Variants in GGCX observed in about 807,000 individuals in gnomAD.
GGCX encodes gamma-glutamyl carboxylase.
GGCX carries 63 observed loss-of-function variants against 88.5 expected under a neutral mutation model. The observed-to-expected ratio is 0.71, with a 90% CI of 0.58 to 0.88. The LOEUF (loss-of-function observed/expected upper bound fraction) is 0.88. GGCX is among the 40% of genes least tolerant of loss of function. The pLI, the probability that GGCX is intolerant of heterozygous loss-of-function variation, is 0.00. For missense variants in GGCX, 805 were observed against 932.9 expected, an observed-to-expected ratio of 0.86 and a Z score of 1.79; for synonymous variants, 368 against 365.8, an observed-to-expected ratio of 1.01 and a Z score of -0.07.
At chr2:85,550,519 A>G (rs374338744) in intron 14 of GGCX, 36 bp downstream of exon 14, 2 of 1,514,236 alleles carry the variant, frequency 1.3e-6, no homozygotes, top group African/African-American at 2.7e-5. Context: ...GCTTGCCAAC[A>G]TATGATGGCA....
In GGCX at chr2:85,545,568, G is replaced by A. The variant is rs550873302; in HGVS notation, c.*4366C>T. The A allele has an allele frequency of 6.6e-6, 1 of 152,278 alleles. No individual in the cohort carries two copies. The highest frequency in any genetic ancestry group is 1.5e-5 in the Non-Finnish European group (1 of 68,030). 9.4% of individuals were successfully genotyped at this position (152,278 alleles called of 1,614,324 possible). A position where few individuals can be genotyped will look rare whatever the true frequency, so the allele number is the denominator to read the frequency against. ...AATAACCTCAATCCCTAGACCCAGT[G>A]GGTGGGCATTTTTTAAAAGCCTAAG... On this transcript the variant is annotated 3_prime_UTR_variant, in exon 15 of 15. Coordinates refer to ENST00000233838, the MANE Select transcript of GGCX (RefSeq NM_000821.7).
chr2:85,554,578 G>A (rs1425126624), intron 6 of GGCX: 6 of 486,096 alleles, frequency 1.2e-5, no homozygotes, highest in Admixed American at 6.6e-5. Flanking sequence ...CAATCCTCCT[G>A]TCTCAGCCTC....
chr2:85,548,676 CA>C lies in GGCX; in HGVS notation c.*1257del, dbSNP rs1691785197. ...TCTCTGCTACAAGTCCATGAGCTCC[CA>C]AAGCAGGGATCCTTTTTCATAACCC... On this transcript the variant is annotated 3_prime_UTR_variant, in exon 15 of 15. Coordinates refer to ENST00000233838, the MANE Select transcript of GGCX (RefSeq NM_000821.7). The C allele has an allele frequency of 6.6e-6, 1 of 152,166 alleles. No homozygotes were observed. The highest frequency in any genetic ancestry group is 2.4e-5 in the African/African-American group (1 of 41,434). 9.4% of individuals were successfully genotyped at this position (152,166 alleles called of 1,614,324 possible).
At chr2:85,560,606 GA>G (rs11370895) in intron 2 of GGCX, among the ~76,000 whole-genome samples, 128 of 137,304 alleles carry the variant, frequency 9.3e-4, no homozygotes, top group Middle Eastern at 3.6e-3. Flanking sequence ...TCCGTCTAAG[GA>G]AAAAAAAAAA....
intron 7 of GGCX, 68 bp from the exon 8 acceptor site, chr2:85,553,565 G>A: frequency 6.8e-7 from 1 of 1,466,030 alleles, no homozygotes; most frequent in South Asian, 1.1e-5. Context: ...CGTTCCCTTA[G>A]GAGACTTCTC....
rs762302863 is a variant in GGCX at position 85,558,924 on chromosome 2, CATG to C, written c.363_365del (p.Ile121del). 1 of 1,613,872 alleles carries C rather than the reference CATG, an allele frequency of 6.2e-7. No homozygotes were observed. The highest frequency in any genetic ancestry group is 2.2e-5 in the East Asian group (1 of 44,870). ...TCCCACAGTTCCCCTCACCCAGAAACATGATGGTGTAGACAAGATACATCCAGT... is the reference window on the plus strand; with the variant it reads ...TCCCACAGTTCCCCTCACCCAGAAACATGGTGTAGACAAGATACATCCAGT... On this transcript the variant is annotated inframe_deletion, in exon 3 of 15. Transcript: ENST00000233838.
rs368899866 is a variant in GGCX, at chr2:85,550,732, G to A, written c.1907C>T (p.Pro636Leu). ...CCCTTCCAACAGAGGCTGCAGCTCT[G>A]GGGGTAGAGGCCCTGTTTCTGCCCG... ...ENGSETGPLPPELQPLLEGEV... is the reference protein window; with the variant it reads ...ENGSETGPLPLELQPLLEGEV... Residue 636 changes from proline (P) to leucine (L), a missense_variant, in exon 14 of 15, where the codon CCA becomes CTA. By Grantham distance (98) the Pro-to-Leu change is moderately conservative. This residue lies in a region of GGCX where 680 missense variants were observed against 763.7 expected (regional missense o/e 0.89). Coordinates refer to ENST00000233838, the MANE Select transcript of GGCX (RefSeq NM_000821.7). 2 of 1,613,812 alleles carry A rather than the reference G, an allele frequency of 1.2e-6. No homozygotes were observed. The highest frequency in any genetic ancestry group is 1.3e-5 in the African/African-American group (1 of 74,886).
chr2:85,552,637 T>C (rs778714014), intron 9 of GGCX, 70 bp from the exon 10 acceptor site: 32 of 1,414,268 alleles, frequency 2.3e-5, no homozygotes, highest in Non-Finnish European at 3.2e-5. Flanking sequence ...GCACTGCCAA[T>C]GGCACAACGA....
rs1315540068 is a variant in GGCX, at chr2:85,545,597, G to C, written c.*4337C>G. On this transcript the variant is annotated 3_prime_UTR_variant, in exon 15 of 15. Coordinates refer to ENST00000233838, the MANE Select transcript of GGCX (RefSeq NM_000821.7). ...GGGCATTTTTTAAAAGCCTAAGCAA[G>C]ATTTAGTCCTCCTAGTCCACTTAAG... is the stretch of plus-strand genomic sequence containing the variant. 1.3e-5 allele frequency: 2 copies of C among 152,152 alleles called. No individual in the cohort carries two copies. Among genetic ancestry groups the C allele is most frequent in the African/African-American group, 4.8e-5 (2 of 41,424 alleles). The allele number at this position is 152,152 out of a possible 1,614,324, so 9.4% of individuals were successfully genotyped here.
Position 85,559,022 on chromosome 2 carries a change from G to A in GGCX, c.268C>T (p.Arg90Trp), listed in dbSNP as rs754949082. 8.1e-6 allele frequency: 13 copies of A among 1,613,872 alleles called. No individual in the cohort carries two copies. The highest frequency in any genetic ancestry group is 6.7e-5 in the East Asian group (3 of 44,896). The change falls in exon 3 of 15, where the codon CGG becomes TGG. Residue 90 changes from arginine to tryptophan, a missense_variant. This residue lies in a region of GGCX where 61 missense variants were observed against 111.9 expected (regional missense o/e 0.54). Transcript: ENST00000233838. ...PQERGLSSLDRKYLDGLDVCR... is the reference protein window; with the variant it reads ...PQERGLSSLDWKYLDGLDVCR... The stretch of plus-strand genomic sequence containing the variant: ...ACATCCAGCCCATCAAGGTATTTCC[G>A]GTCCAGAGAGCTGAGCCCCCGCTCC...
chr2:85,550,660 A>G lies in GGCX; in HGVS notation c.1979T>C (p.Leu660Pro). 1 of 1,614,086 alleles carries G rather than the reference A, an allele frequency of 6.2e-7. No homozygotes were observed. ...CTCCTGGAGCCTTTGTTGGCGTCTA[A>G]GAAAGGTCTGAACCAGAGGTGTTGG... is the stretch of plus-strand genomic sequence containing the variant. The part of the protein sequence containing the change: ...PEPTPLVQTF[L>P]RRQQRLQEIE... Residue 660 changes from leucine (L) to proline (P), a missense_variant, in exon 14 of 15, where the codon CTT (leucine) becomes CCT (proline). Physicochemically the swap from Leu to Pro is moderately conservative, Grantham distance 98. This residue lies in a region of GGCX where 680 missense variants were observed against 763.7 expected (regional missense o/e 0.89). Transcript: ENST00000233838.
chr2:85,559,071 G>A lies in GGCX; in HGVS notation c.219C>T (p.Phe73=), dbSNP rs893067382. Residue 73 remains phenylalanine (F), a synonymous_variant, in exon 3 of 15, where the codon TTC becomes TTT. Transcript: ENST00000233838. ...SLAVFRFLFG[F]LMVLDIPQER... is the part of the protein sequence containing the mutation. ...CCTGGGGAATGTCTAGCACCATCAA[G>A]AACCCTAAGAAGGCAATAGGGGAGT... 1.2e-6 allele frequency: 2 copies of A among 1,614,054 alleles called. No individual in the cohort carries two copies. The highest frequency in any genetic ancestry group is 3.3e-5 in the Admixed American group (2 of 60,022).
Position 85,561,287 on chromosome 2 carries a change from C to A in GGCX, c.43+99G>T, listed in dbSNP as rs564445108. On this transcript the variant is annotated intron_variant, in intron 1 of 14. Coordinates refer to ENST00000233838, the MANE Select transcript of GGCX (RefSeq NM_000821.7). ...CCCCTTCCCCACAGAGGACCCCCCCCCCGCCTCACCGGGAGACACTGGGCG... is the reference window on the plus strand; with the variant it reads ...CCCCTTCCCCACAGAGGACCCCCCCACCGCCTCACCGGGAGACACTGGGCG... The A allele has an allele frequency of 1.7e-3, 1,104 of 667,596 alleles. 26 individuals are homozygous for A. The South Asian group carries it at 0.018, about 11-fold the overall frequency. The allele number at this position is 667,596 out of a possible 1,614,324, so 41.4% of individuals were successfully genotyped here. A position where few individuals can be genotyped will look rare whatever the true frequency, so the allele number is the denominator to read the frequency against.
intron 11 of GGCX, 76 bp downstream of exon 11, chr2:85,551,736 C>A (rs533941307): frequency 1.0e-5 from 16 of 1,558,084 alleles, no homozygotes; most frequent in Admixed American, 1.7e-5. Context: ...CCTCTCCCCT[C>A]CCACCACATG....
Position 85,546,370 on chromosome 2 carries a change from C to G in GGCX, c.*3564G>C, listed in dbSNP as rs896827553. ...CCCGGGAGGTGGAGCTTGCAGTGAGCTGAAATCGTGCCACCACACTCCGGC... is the reference window on the plus strand; with the variant it reads ...CCCGGGAGGTGGAGCTTGCAGTGAGGTGAAATCGTGCCACCACACTCCGGC... On this transcript the variant is annotated 3_prime_UTR_variant, in exon 15 of 15. Coordinates refer to ENST00000233838, the MANE Select transcript of GGCX (RefSeq NM_000821.7). 3 of 151,868 alleles carry G rather than the reference C, an allele frequency of 2.0e-5. No homozygotes were observed. Among genetic ancestry groups the G allele is most frequent in the African/African-American group, 4.8e-5 (2 of 41,260 alleles). 9.4% of individuals were successfully genotyped at this position (151,868 alleles called of 1,614,324 possible).
rs1425939452 is a variant in GGCX at position 85,546,722 on chromosome 2, G to A, written c.*3212C>T. The A allele has an allele frequency of 1.3e-5, 2 of 152,184 alleles. No homozygotes were observed. The highest frequency in any genetic ancestry group is 2.9e-5 in the Non-Finnish European group (2 of 68,060). The allele number at this position is 152,184 out of a possible 1,614,324, so 9.4% of individuals were successfully genotyped here. A position where few individuals can be genotyped will look rare whatever the true frequency, so the allele number is the denominator to read the frequency against. ...TTCTCAAAAAACTTGGAAATCTGTT[G>A]GGAAGTAGGGGGAGGGCAAGGTTAA... is the stretch of plus-strand genomic sequence containing the variant. On this transcript the variant is annotated 3_prime_UTR_variant, in exon 15 of 15. Coordinates refer to ENST00000233838, the MANE Select transcript of GGCX (RefSeq NM_000821.7).
intron 10 of GGCX, 134 bp from the exon 11 acceptor site, chr2:85,552,115 C>A: frequency 1.3e-6 from 1 of 759,172 alleles, no homozygotes. Flanking sequence ...ATGTTATTGC[C>A]AGTCCAGGGC....
intron 6 of GGCX, chr2:85,554,972 T>G (rs1456555631): frequency 6.2e-6 from 1 of 161,218 alleles, no homozygotes; most frequent in Non-Finnish European, 1.3e-5. Context: ...CTTCAGGAAC[T>G]GGAAAATAAC....
chr2:85,554,142 C>G lies in GGCX; in HGVS notation c.889+1G>C, dbSNP rs1488119858. 1 of 1,610,586 alleles carries G rather than the reference C, an allele frequency of 6.2e-7. No individual in the cohort carries two copies. Among genetic ancestry groups the G allele is most frequent in the Non-Finnish European group, 8.5e-7 (1 of 1,176,924 alleles). ...TTTCCTCCCAGGCTACAGGTACTGA[C>G]CAATGCTGAAAAGCTGGGAATTCAT... On this transcript the variant is annotated splice_donor_variant, in intron 7 of 14. Transcript: ENST00000233838. LOFTEE classifies it high-confidence loss of function.
Sources: gnomAD v4.1 joint callset for allele counts (sites outside exome capture counted in the v4.1 genomes callset) on GRCh38, gnomAD v4.1.1 for gene constraint, gnomAD v4.1.1 regional missense constraint, MANE v1.5 for transcripts, NCBI Gene and HGNC (gene_info 2026-07-23, HGNC 2026-07-21) for gene names.